The following XRCC4 variants were observed in gnomAD, a reference collection of about 807,000 sequenced individuals.
XRCC4 encodes DNA repair protein XRCC4.
XRCC4 carries 28 observed loss-of-function variants against 39.1 expected under a neutral mutation model. The observed-to-expected ratio is 0.72, with a 90% CI of 0.53 to 0.98. The LOEUF is 0.98. Ranked by LOEUF, XRCC4 falls within the 50% of genes least tolerant of loss-of-function variation. The pLI, the probability that XRCC4 is intolerant of heterozygous loss-of-function variation, is 0.00. For missense variants in XRCC4, 350 were observed against 376.4 expected (o/e 0.93, Z 0.58); for synonymous variants, 123 against 126.4 (o/e 0.97, Z 0.18).
At chr5:83,339,331 ATG>A (rs1350798522) in intron 7 of XRCC4, among the ~76,000 whole-genome samples, 5 of 151,990 alleles carry the variant, frequency 3.3e-5, no homozygotes, top group African/African-American at 7.3e-5. Flanking sequence ...TCATTCACAC[ATG>A]AGTCTTCTTT....
intron 6 of XRCC4, among the ~76,000 whole-genome samples, chr5:83,247,015 T>G (rs1753128973): frequency 6.6e-6 from 1 of 152,226 alleles, no homozygotes; most frequent in Non-Finnish European, 1.5e-5. Flanking sequence ...CTTCTTTGAT[T>G]GTGTTTGCTA....
intron 1 of XRCC4, among the ~76,000 whole-genome samples, chr5:83,104,395 C>T (rs2039626107): frequency 6.6e-6 from 1 of 152,108 alleles, no homozygotes; most frequent in Non-Finnish European, 1.5e-5. Context: ...GTTCTTGCAA[C>T]CATTTCTTTT....
intron 7 of XRCC4, among the ~76,000 whole-genome samples, chr5:83,323,715 A>T (rs1432077610): frequency 6.8e-6 from 1 of 146,918 alleles, no homozygotes; most frequent in Non-Finnish European, 1.5e-5. Context: ...TGTATGAACA[A>T]AAATATCTGA....
intron 6 of XRCC4, among the ~76,000 whole-genome samples, chr5:83,211,604 C>T (rs1441464068): frequency 6.6e-6 from 1 of 152,150 alleles, no homozygotes; most frequent in African/African-American, 2.4e-5. Flanking sequence ...TTTCAACATA[C>T]TCCTGTTCCT....
At chr5:83,159,636 T>C (rs1316510753) in intron 3 of XRCC4, among the ~76,000 whole-genome samples, 1 of 152,186 alleles carries the variant, frequency 6.6e-6, no homozygotes, top group African/African-American at 2.4e-5. Context: ...ATCGGAATTA[T>C]TCTGTAGTCG....
At chr5:83,315,567 T>G (rs1755850316) in intron 7 of XRCC4, among the ~76,000 whole-genome samples, 2 of 152,136 alleles carry the variant, frequency 1.3e-5, no homozygotes, top group South Asian at 4.1e-4. Context: ...AGCTGGTAAC[T>G]TTAAGTTGAA....
chr5:83,300,046 C>T (rs1381830299), intron 7 of XRCC4, among the ~76,000 whole-genome samples: 1 of 152,166 alleles, frequency 6.6e-6, no homozygotes, highest in East Asian at 1.9e-4. Flanking sequence ...TTTGCTACTG[C>T]TTTGTACGTA....
At chr5:83,308,546 T>C (rs1002395296) in intron 7 of XRCC4, among the ~76,000 whole-genome samples, 3 of 152,226 alleles carry the variant, frequency 2.0e-5, no homozygotes, top group African/African-American at 4.8e-5. Context: ...CTCTACACTT[T>C]TGTACAGGTT....
At chr5:83,300,453 G>C (rs1755238862) in intron 7 of XRCC4, among the ~76,000 whole-genome samples, 1 of 151,612 alleles carries the variant, frequency 6.6e-6, no homozygotes, top group South Asian at 2.1e-4. Context: ...AACTTAGCAA[G>C]AATAGTACTA....
At chr5:83,084,311 T>G (rs776817723) in intron 1 of XRCC4, among the ~76,000 whole-genome samples, 2 of 152,200 alleles carry the variant, frequency 1.3e-5, no homozygotes, top group Non-Finnish European at 2.9e-5. Context: ...ATTTGCTCCT[T>G]GTTATTGCGG....
chr5:83,127,914 G>T (rs76753740), intron 3 of XRCC4, among the ~76,000 whole-genome samples: 3,701 of 146,324 alleles, frequency 0.025, 79 homozygotes, highest in East Asian at 0.075. Flanking sequence ...TAAGAGCATT[G>T]CTCTGCCTTC....
chr5:83,281,756 C>T (rs1754547899), intron 7 of XRCC4, among the ~76,000 whole-genome samples: 2 of 152,294 alleles, frequency 1.3e-5, no homozygotes, highest in East Asian at 3.9e-4. Context: ...ATTTATAGCA[C>T]TGAACTATGC....
intron 6 of XRCC4, among the ~76,000 whole-genome samples, chr5:83,248,128 A>G (rs1452645324): frequency 6.6e-6 from 1 of 152,028 alleles, no homozygotes; most frequent in Admixed American, 6.6e-5. Flanking sequence ...TGAGCAGAAT[A>G]CTCTTTCTGG....
chr5:83,340,629 A>T (rs900587905), intron 7 of XRCC4, among the ~76,000 whole-genome samples: 1 of 151,630 alleles, frequency 6.6e-6, no homozygotes, highest in Admixed American at 6.6e-5. Context: ...AAAAAAAAAA[A>T]ACAACAAAAC....
At chr5:83,195,605 G>A (rs1750902639) in intron 3 of XRCC4, among the ~76,000 whole-genome samples, 165 bp from the exon 4 acceptor site, 1 of 152,002 alleles carries the variant, frequency 6.6e-6, no homozygotes, top group African/African-American at 2.4e-5. Flanking sequence ...GAAACTTTAG[G>A]TAGAAGCCCA....
chr5:83,090,298 G>C (rs890625665), intron 1 of XRCC4, among the ~76,000 whole-genome samples: 3 of 151,678 alleles, frequency 2.0e-5, no homozygotes, highest in Non-Finnish European at 4.4e-5. Context: ...TCTCATGATA[G>C]TGAATAAATC....
In XRCC4 at chr5:83,124,630, T is replaced by G. The variant is rs899957103; in HGVS notation, c.315+13427T>G. On this transcript the variant is annotated intron_variant, in intron 3 of 7. Coordinates refer to ENST00000396027, the MANE Select transcript of XRCC4 (RefSeq NM_003401.5). ...CATGTGAGCATAAATTTTCATTTAT[T>G]TAGTACAAGGGTTGGCAAACAATAG... Among the ~76,000 whole-genome samples, 11 of 152,334 alleles carry G rather than the reference T, an allele frequency of 7.2e-5. No individual in the cohort carries two copies. In the East Asian group the frequency reaches 1.7e-3, roughly 24 times the overall value.
intron 7 of XRCC4, among the ~76,000 whole-genome samples, chr5:83,263,344 C>A (rs971897772): frequency 5.3e-5 from 8 of 151,786 alleles, no homozygotes; most frequent in Admixed American, 1.3e-4. Context: ...ATTTATAGTC[C>A]TTTGGGTATA....
At chr5:83,196,581 C>T (rs1316931029) in intron 4 of XRCC4, among the ~76,000 whole-genome samples, 2 of 151,524 alleles carry the variant, frequency 1.3e-5, no homozygotes, top group Non-Finnish European at 2.9e-5. Context: ...CTTTATTATT[C>T]TATTAGTATA....
Sources: gnomAD v4.1 joint callset for allele counts (sites outside exome capture counted in the v4.1 genomes callset) on GRCh38, gnomAD v4.1.1 for gene constraint, MANE v1.5 for transcripts, NCBI Gene and HGNC (gene_info 2026-07-23, HGNC 2026-07-21) for gene names.